UBE2E2: variants seen among roughly 807,000 people sequenced by gnomAD.
UBE2E2 encodes ubiquitin conjugating enzyme E2 E2.
A neutral mutation model predicts 24.7 loss-of-function variants in UBE2E2; 6 were observed. That is an observed-to-expected ratio of 0.24 (90% CI 0.13 to 0.48). The LOEUF is 0.48. Ranked by LOEUF, UBE2E2 falls within the 20% of genes least tolerant of loss-of-function variation. The pLI, the probability that UBE2E2 is intolerant of heterozygous loss-of-function variation, is 0.99. For missense variants in UBE2E2, 169 were observed against 245.0 expected, an observed-to-expected ratio of 0.69 and a Z score of 2.07; for synonymous variants, 104 against 83.6, an observed-to-expected ratio of 1.24 and a Z score of -1.33.
At chr3:23,409,859 A>G (rs768026089) in intron 3 of UBE2E2, among the ~76,000 whole-genome samples, 4 of 151,836 alleles carry the variant, frequency 2.6e-5, no homozygotes, top group Middle Eastern at 3.2e-3. Flanking sequence ...TGTTACTCCA[A>G]TCTCTGTCTC....
chr3:23,466,917 T>C (rs1413697461), intron 3 of UBE2E2, among the ~76,000 whole-genome samples: 1 of 152,204 alleles, frequency 6.6e-6, no homozygotes, highest in Non-Finnish European at 1.5e-5. Context: ...ATTCATTATT[T>C]GCCAGCTCCT....
At chr3:23,251,982 T>A (rs71317819) in intron 3 of UBE2E2, among the ~76,000 whole-genome samples, 11,204 of 152,278 alleles carry the variant, frequency 0.074, 528 homozygotes, top group Non-Finnish European at 0.09. Context: ...ATGAAAATTA[T>A]GTTAACAGGT....
intron 3 of UBE2E2, among the ~76,000 whole-genome samples, chr3:23,439,406 T>G (rs1274622062): frequency 1.3e-5 from 2 of 152,208 alleles, no homozygotes; most frequent in African/African-American, 4.8e-5. Flanking sequence ...GAGGCACCCC[T>G]CCTCCTCCAT....
At chr3:23,352,025 C>T (rs1184355838) in intron 3 of UBE2E2, among the ~76,000 whole-genome samples, 1 of 152,092 alleles carries the variant, frequency 6.6e-6, no homozygotes, top group East Asian at 1.9e-4. Context: ...GAAATTATAA[C>T]AAACTGTCTC....
chr3:23,561,641 G>C (rs923769795), intron 5 of UBE2E2, among the ~76,000 whole-genome samples: 6 of 151,372 alleles, frequency 4.0e-5, no homozygotes, highest in African/African-American at 1.5e-4. Flanking sequence ...GGATGGCATT[G>C]AATCTATAAA....
intron 3 of UBE2E2, among the ~76,000 whole-genome samples, chr3:23,345,003 T>C (rs1026062521): frequency 6.6e-6 from 1 of 152,102 alleles, no homozygotes; most frequent in Non-Finnish European, 1.5e-5. Flanking sequence ...TGTGCAGCCT[T>C]GAATGATGGA....
At chr3:23,421,141 T>C (rs1207764503) in intron 3 of UBE2E2, among the ~76,000 whole-genome samples, 1 of 152,178 alleles carries the variant, frequency 6.6e-6, no homozygotes, top group Non-Finnish European at 1.5e-5. Context: ...GTGCAGGGAG[T>C]TTCTCTTTCA....
intron 3 of UBE2E2, among the ~76,000 whole-genome samples, chr3:23,286,272 C>T (rs1197255359): frequency 6.6e-6 from 1 of 152,012 alleles, no homozygotes; most frequent in Non-Finnish European, 1.5e-5. Flanking sequence ...TGGAGAGTTT[C>T]ACCAATGTTT....
chr3:23,372,082 C>T (rs1696412707), intron 3 of UBE2E2, among the ~76,000 whole-genome samples: 2 of 152,114 alleles, frequency 1.3e-5, no homozygotes, highest in African/African-American at 4.8e-5. Flanking sequence ...CACGCCACTG[C>T]ACTCCAGCCT....
At chr3:23,301,067 T>C (rs1037897681) in intron 3 of UBE2E2, among the ~76,000 whole-genome samples, 1 of 152,256 alleles carries the variant, frequency 6.6e-6, no homozygotes, top group Non-Finnish European at 1.5e-5. Flanking sequence ...TTCTTCCAAC[T>C]GATCACATTG....
intron 3 of UBE2E2, among the ~76,000 whole-genome samples, chr3:23,483,965 G>A (rs1398109495): frequency 6.6e-6 from 1 of 152,174 alleles, no homozygotes; most frequent in Non-Finnish European, 1.5e-5. Flanking sequence ...TGGGGAGGGA[G>A]CAGCGAACTT....
intron 5 of UBE2E2, among the ~76,000 whole-genome samples, chr3:23,555,676 G>GC (rs547632273): frequency 6.6e-6 from 1 of 152,094 alleles, no homozygotes; most frequent in Non-Finnish European, 1.5e-5. Flanking sequence ...ATAAACACAC[G>GC]CACATACACA....
rs776803551 is a variant in UBE2E2, at chr3:23,508,819, A to C, written c.360+9079A>C. ...ATAGGCCTAAATTCCTTCACGATGGATGTTCTTCCGCGGAGAAGTTATGTG... is the reference window on the plus strand; with the variant it reads ...ATAGGCCTAAATTCCTTCACGATGGCTGTTCTTCCGCGGAGAAGTTATGTG... On this transcript the variant is annotated intron_variant, in intron 4 of 5. Coordinates refer to ENST00000396703, the MANE Select transcript of UBE2E2 (RefSeq NM_152653.4). Among the ~76,000 whole-genome samples the C allele has an allele frequency of 2.8e-4, 43 of 152,184 alleles. 1 individual carries two copies. Among genetic ancestry groups the C allele is most frequent in the Non-Finnish European group, 5.4e-4 (37 of 68,028 alleles).
At chr3:23,375,950 A>G (rs1696511338) in intron 3 of UBE2E2, among the ~76,000 whole-genome samples, 1 of 152,230 alleles carries the variant, frequency 6.6e-6, no homozygotes, top group African/African-American at 2.4e-5. Context: ...GGCTTATAGA[A>G]TACATACTGG....
At chr3:23,228,363 G>A (rs979820317) in intron 3 of UBE2E2, among the ~76,000 whole-genome samples, 1 of 152,036 alleles carries the variant, frequency 6.6e-6, no homozygotes, top group Non-Finnish European at 1.5e-5. Flanking sequence ...TTATTATTGA[G>A]TTTGCCCAGC....
intron 1 of UBE2E2, among the ~76,000 whole-genome samples, chr3:23,208,265 G>T (rs1031506651): frequency 6.6e-6 from 1 of 152,068 alleles, no homozygotes; most frequent in Admixed American, 6.6e-5. Flanking sequence ...CAAACAGTTT[G>T]TGGTCCTTTG....
chr3:23,221,311 A>T (rs1162240658), intron 3 of UBE2E2, among the ~76,000 whole-genome samples: 1 of 152,122 alleles, frequency 6.6e-6, no homozygotes, highest in Admixed American at 6.5e-5. Flanking sequence ...AGCTTTATTG[A>T]GATATAAAGT....
chr3:23,338,799 C>T (rs716456), intron 3 of UBE2E2, among the ~76,000 whole-genome samples: 5 of 152,042 alleles, frequency 3.3e-5, no homozygotes, highest in South Asian at 4.2e-4. Context: ...TAAATTCAAA[C>T]GGGAGAAAGG....
At chr3:23,303,870 A>G (rs17343818) in intron 3 of UBE2E2, among the ~76,000 whole-genome samples, 50,840 of 152,020 alleles carry the variant, frequency 0.33, 8,719 homozygotes, top group South Asian at 0.38. Context: ...CTCTCCTCAT[A>G]GGAATTATAC....
Sources: gnomAD v4.1 joint callset for allele counts (sites outside exome capture counted in the v4.1 genomes callset) on GRCh38, gnomAD v4.1.1 for gene constraint, MANE v1.5 for transcripts, NCBI Gene and HGNC (gene_info 2026-07-23, HGNC 2026-07-21) for gene names.